The following TENM2 variants were observed in gnomAD, a reference collection of about 807,000 sequenced individuals.
TENM2 encodes teneurin-2.
In TENM2, 52 loss-of-function variants were observed where a neutral mutation model predicts 245.2. The observed-to-expected ratio is 0.21, with a 90% confidence interval of 0.17 to 0.27. The LOEUF (loss-of-function observed/expected upper bound fraction) is 0.27, where lower values mean the gene tolerates loss of function less well. TENM2 is among the 10% of genes least tolerant of loss of function. The pLI is 1.00. For synonymous variants in TENM2, 1,363 were observed against 1,438.9 expected, an observed-to-expected ratio of 0.95 and a Z score of 1.19; for missense variants, 3,046 against 3,666.8, an observed-to-expected ratio of 0.83 and a Z score of 4.37.
intron 2 of TENM2, among the ~76,000 whole-genome samples, chr5:167,558,476 G>A (rs1773388909): frequency 1.3e-5 from 2 of 152,222 alleles, no homozygotes; most frequent in African/African-American, 4.8e-5. Context: ...CCGGCTGCAT[G>A]GCAGGAGTGG....
At chr5:167,375,007 T>C (rs959694262) in intron 1 of TENM2, among the ~76,000 whole-genome samples, 191 bp from the exon 4 acceptor site, 1 of 152,184 alleles carries the variant, frequency 6.6e-6, no homozygotes, top group African/African-American at 2.4e-5. Flanking sequence ...ATTTACTTTC[T>C]TTCTTTTGTT....
At chr5:168,121,565 G>A (rs1005071375) in intron 10 of TENM2, among the ~76,000 whole-genome samples, 5 of 152,230 alleles carry the variant, frequency 3.3e-5, no homozygotes, top group South Asian at 2.1e-4. Flanking sequence ...TTCTAGTACC[G>A]GCGCTAATAA....
chr5:167,336,969 T>C (rs1757802230), intron 1 of TENM2, among the ~76,000 whole-genome samples: 1 of 148,188 alleles, frequency 6.7e-6, no homozygotes, highest in African/African-American at 2.5e-5. Context: ...TACAAAAAAT[T>C]AGCCGGGCGC....
intron 2 of TENM2, among the ~76,000 whole-genome samples, chr5:167,467,422 G>A (rs1300037924): frequency 1.3e-5 from 2 of 151,450 alleles, no homozygotes; most frequent in Admixed American, 6.6e-5. Flanking sequence ...TATCTTTACA[G>A]CAGCGTGAGA....
intron 2 of TENM2, among the ~76,000 whole-genome samples, chr5:167,498,252 G>A (rs538271235): frequency 6.6e-6 from 1 of 152,122 alleles, no homozygotes; most frequent in African/African-American, 2.4e-5. Flanking sequence ...CAGAGGCGCC[G>A]GGAACTCTTA....
chr5:167,080,888 G>A, the TENM2 span, among the ~76,000 whole-genome samples: 1 of 151,888 alleles, frequency 6.6e-6, no homozygotes, highest in Non-Finnish European at 1.5e-5. Flanking sequence ...TTATAAAAGG[G>A]CAAAAAGGAC....
chr5:167,084,364 T>TATATATATATATATATATAC, the TENM2 span, among the ~76,000 whole-genome samples: 2 of 111,152 alleles, frequency 1.8e-5, no homozygotes, highest in East Asian at 2.4e-4. Context: ...TATATATATA[T>TATATATATATATATATATAC]ATACAGATCA....
the TENM2 span, among the ~76,000 whole-genome samples, chr5:167,052,384 C>T: frequency 1.3e-5 from 2 of 152,000 alleles, no homozygotes; most frequent in Admixed American, 1.3e-4. Context: ...TTCCCAACAC[C>T]GTAATTTAAT....
the TENM2 span, among the ~76,000 whole-genome samples, chr5:167,018,433 G>A: frequency 0.38 from 57,822 of 150,292 alleles, 11,448 homozygotes; most frequent in Non-Finnish European, 0.45. Context: ...AAAAAAACAA[G>A]CAACATAAAC....
At chr5:168,134,550 G>T (rs1264014299) in intron 12 of TENM2, among the ~76,000 whole-genome samples, 1 of 152,096 alleles carries the variant, frequency 6.6e-6, no homozygotes, top group Non-Finnish European at 1.5e-5. Context: ...AGCTGGGTGT[G>T]GTGGCGAGCA....
chr5:167,596,211 G>A (rs989092066), intron 2 of TENM2, among the ~76,000 whole-genome samples: 1 of 152,082 alleles, frequency 6.6e-6, no homozygotes, highest in Non-Finnish European at 1.5e-5. Context: ...ATTATCTGAA[G>A]TAAACATCAA....
At chr5:167,193,471 C>T in the TENM2 span, among the ~76,000 whole-genome samples, 6 of 142,966 alleles carry the variant, frequency 4.2e-5, no homozygotes, top group African/African-American at 1.0e-4. Flanking sequence ...GGAATCTCTC[C>T]ATCACATAGT....
chr5:168,248,086 G>A (rs1470077165), exon 27 of TENM2: 10 of 1,613,788 alleles, frequency 6.2e-6, no homozygotes, highest in Admixed American at 1.7e-5. Flanking sequence ...CAGCATCAAC[G>A]GCCTCATGAT....
intron 2 of TENM2, among the ~76,000 whole-genome samples, chr5:167,452,551 G>A (rs941707786): frequency 1.3e-5 from 2 of 152,114 alleles, no homozygotes; most frequent in Non-Finnish European, 2.9e-5. Context: ...TGATGAAAGT[G>A]CAGTGTTCTG....
At chr5:168,072,793 T>C (rs551278251) in intron 7 of TENM2, among the ~76,000 whole-genome samples, 1 of 152,310 alleles carries the variant, frequency 6.6e-6, no homozygotes, top group African/African-American at 2.4e-5. Flanking sequence ...TGGAGATGAA[T>C]CAATCAATCT....
At chr5:167,465,829 A>AT (rs1766614436) in intron 2 of TENM2, among the ~76,000 whole-genome samples, 1 of 53,636 alleles carries the variant, frequency 1.9e-5, no homozygotes, top group Non-Finnish European at 5.4e-5. Context: ...AGACTGTCTC[A>AT]AAAAAAGAAA....
At chr5:167,095,040 T>C in the TENM2 span, among the ~76,000 whole-genome samples, 1 of 152,280 alleles carries the variant, frequency 6.6e-6, no homozygotes, top group Non-Finnish European at 1.5e-5. Flanking sequence ...AAAAGTACAT[T>C]ATGTACTCTA....
At chr5:166,991,030 AAG>A in the TENM2 span, among the ~76,000 whole-genome samples, 1 of 152,156 alleles carries the variant, frequency 6.6e-6, no homozygotes, top group South Asian at 2.1e-4. Context: ...GAAAGAGTGA[AAG>A]AGAGAATGAA....
intron 4 of TENM2, among the ~76,000 whole-genome samples, chr5:167,977,326 TA>T (rs1782514023): frequency 6.6e-6 from 1 of 151,942 alleles, no homozygotes; most frequent in South Asian, 2.1e-4. Flanking sequence ...CAACCTTAAA[TA>T]AAAGTTTAAA....
Sources: allele counts gnomAD v4.1 joint callset (sites outside exome capture counted in the v4.1 genomes callset), GRCh38; gene constraint gnomAD v4.1.1; transcripts MANE v1.5; gene names NCBI Gene and HGNC (gene_info 2026-07-23, HGNC 2026-07-21).